The following CARNS1 variants were observed in gnomAD, a reference collection of about 807,000 sequenced individuals.
The protein encoded by CARNS1 is carnosine synthase 1.
A neutral mutation model predicts 74.0 loss-of-function variants in CARNS1; 61 were observed. That is an observed-to-expected ratio of 0.82 (90% CI 0.67 to 1.02). The LOEUF is 1.02. CARNS1 is among the 50% of genes least tolerant of loss of function. The probability of loss-of-function intolerance (pLI) is 0.00; values close to 1 mark genes in which losing one functional copy is unlikely to be tolerated. For missense variants in CARNS1, 1,278 were observed against 1,308.4 expected (o/e 0.98, Z 0.36); for synonymous variants, 568 against 605.5 (o/e 0.94, Z 0.91).
chr11:67,417,232 G>A, intron 2 of CARNS1, 175 bp from the exon 3 acceptor site: 2 of 1,234,792 alleles, frequency 1.6e-6, no homozygotes, highest in Non-Finnish European at 1.0e-6. Flanking sequence ...TCCCACGGTT[G>A]CGTTCCCATT....
In CARNS1 at chr11:67,421,004, G is replaced by T. The variant is rs1863681713; in HGVS notation, c.1411G>T (p.Gly471Cys). ...CCCAGTGGCCCTGGAGCTGAACGGC[G>T]GCCTGTGTCTGGAGGCGTGCGGCGC... Reference protein sequence around the residue: ...LTPVALELNGGLCLEACGALE... With the variant: ...LTPVALELNGCLCLEACGALE... Residue 471 changes from glycine to cysteine, a missense_variant, in exon 9 of 10, where the codon GGC becomes TGC. By Grantham distance (159) the Gly-to-Cys change is radical. Around this residue, in one of 3 missense-constraint regions of CARNS1, gnomAD observed 1,164 missense variants for 1,156.5 expected, o/e 1.01. Coordinates refer to ENST00000687366, the MANE Select transcript of CARNS1 (RefSeq NM_001166222.2). The T allele has an allele frequency of 7.8e-6, 11 of 1,417,638 alleles. No homozygotes were observed. The highest frequency in any genetic ancestry group is 1.0e-5 in the Non-Finnish European group (11 of 1,089,338). The allele number at this position is 1,417,638 out of a possible 1,614,324, so 87.8% of individuals were successfully genotyped here.
chr11:67,416,715 T>A, intron 2 of CARNS1: 1 of 986,350 alleles, frequency 1.0e-6, no homozygotes, highest in Non-Finnish European at 1.2e-6. Flanking sequence ...GAACAAGAAT[T>A]CCATTCACAC....
rs551982188 is a variant in CARNS1, at chr11:67,419,337, C to T, written c.852+94C>T. On this transcript the variant is annotated intron_variant, in intron 5 of 9. Coordinates refer to ENST00000687366, the MANE Select transcript of CARNS1 (RefSeq NM_001166222.2). ...AAGTCTGGCTGGAAAGGTGTCCCTACCTCTTAGCCCTGCCGCTGCCCTGCC... is the reference window on the plus strand; with the variant it reads ...AAGTCTGGCTGGAAAGGTGTCCCTATCTCTTAGCCCTGCCGCTGCCCTGCC... 6.8e-5 allele frequency: 100 copies of T among 1,467,736 alleles called. 1 individual carries two copies. The South Asian group carries it at 1.2e-3, about 17-fold the overall frequency. The allele number at this position is 1,467,736 out of a possible 1,614,324, so 90.9% of individuals were successfully genotyped here. A position where few individuals can be genotyped will look rare whatever the true frequency, so the allele number is the denominator to read the frequency against.
In CARNS1 at chr11:67,421,159, C is replaced by T. The variant is rs1449374187; in HGVS notation, c.1566C>T (p.Val522=). 17 of 1,492,480 alleles carry T rather than the reference C, an allele frequency of 1.1e-5. No individual in the cohort carries two copies. The highest frequency in any genetic ancestry group is 2.2e-5 in the Admixed American group (1 of 44,714). 92.5% of individuals were successfully genotyped at this position (1,492,480 alleles called of 1,614,324 possible). The change falls in exon 9 of 10, where the codon GTC becomes GTT. Residue 522 remains valine, a synonymous_variant. Coordinates refer to ENST00000687366, the MANE Select transcript of CARNS1 (RefSeq NM_001166222.2). ...CLMEGKQLLV[V]GAGGVSKKFV... ...TGGAGGGAAAACAGCTGCTGGTGGT[C>T]GGCGCTGGCGGCGTCAGCAAGAAGT...
At position 67,418,488 on chromosome 11, in the gene CARNS1, CTG is replaced by C. The variant is rs1565134731; in HGVS notation, c.335_336del (p.Val112AlafsTer32). 3.3e-6 allele frequency: 5 copies of C among 1,510,524 alleles called. No homozygotes were observed. Among genetic ancestry groups the C allele is most frequent in the Non-Finnish European group, 4.4e-6 (5 of 1,134,296 alleles). 93.6% of individuals were successfully genotyped at this position (1,510,524 alleles called of 1,614,324 possible). A position where few individuals can be genotyped will look rare whatever the true frequency, so the allele number is the denominator to read the frequency against. On this transcript the variant is annotated frameshift_variant, in exon 4 of 10. Transcript: ENST00000687366. LOFTEE classifies it high-confidence loss of function. ...CTGGGCTCCCCCAGCACCTTTCTGC[CTG>C]TGCTGCTGGAGGGTGGGGTCCAGAG...
intron 4 of CARNS1, 50 bp downstream of exon 4, chr11:67,418,570 C>A: frequency 6.7e-7 from 1 of 1,496,322 alleles, no homozygotes; most frequent in South Asian, 1.2e-5. Context: ...AAGGGCAGCC[C>A]TGCCCTGGCC....
chr11:67,419,356 C>T, intron 5 of CARNS1, 113 bp downstream of exon 5: 1 of 1,479,890 alleles, frequency 6.8e-7, no homozygotes, highest in Non-Finnish European at 9.0e-7. Context: ...CCTGCCGCTG[C>T]CCTGCCCCAT....
rs373726393 is a variant in CARNS1, at chr11:67,419,474, C to T, written c.853-13C>T. The stretch of plus-strand genomic sequence containing the variant: ...GTGGTGTCCAGGAGGCCCCTTTCCC[C>T]TCCTTGCTGCAGGTAGCTGTGAAGC... On this transcript the variant is annotated splice_polypyrimidine_tract_variant and intron_variant, in intron 5 of 9. Transcript: ENST00000687366. 1,174 of 1,611,218 alleles carry T rather than the reference C, an allele frequency of 7.3e-4. 3 individuals carry two copies. Among genetic ancestry groups the T allele is most frequent in the Non-Finnish European group, 8.0e-4 (947 of 1,179,336 alleles).
Position 67,423,541 on chromosome 11 carries a change from A to G in CARNS1, c.1793A>G (p.Asp598Gly). The G allele has an allele frequency of 1.9e-6, 3 of 1,613,024 alleles. No homozygotes were observed. Among genetic ancestry groups the G allele is most frequent in the Non-Finnish European group, 2.5e-6 (3 of 1,179,480 alleles). Reference sequence around the variant, plus strand: ...CTAGATGGCTGCTTCTCCTACTGGGATGACTGCCTGGTGCTCACAGCCCTG... The same window carrying G: ...CTAGATGGCTGCTTCTCCTACTGGGGTGACTGCCTGGTGCTCACAGCCCTG... ...LKLDGCFSYW[D>G]DCLVLTALLC... Residue 598 changes from aspartate (D) to glycine (G), a missense_variant, in exon 10 of 10, where the codon GAT becomes GGT. Around this residue, in one of 3 missense-constraint regions of CARNS1, gnomAD observed 1,164 missense variants for 1,156.5 expected, o/e 1.01. Coordinates refer to ENST00000687366, the MANE Select transcript of CARNS1 (RefSeq NM_001166222.2). This position sits in a 1 kb window ranked among gnomAD's most constrained non-coding sequence, Gnocchi z 5.1.
chr11:67,416,303 G>A (rs568174241), intron 2 of CARNS1, 101 bp downstream of exon 2: 2 of 1,529,668 alleles, frequency 1.3e-6, no homozygotes, highest in Non-Finnish European at 1.8e-6. Context: ...CCTGGGAGTT[G>A]CCCCCTGCAG....
In CARNS1 at chr11:67,423,798, G is replaced by T. The variant is rs1173087877; in HGVS notation, c.2050G>T (p.Gly684Cys). ...GCTGGAGTTCGGGGCAGGTGCAGTGGGTGTCCGGCTGGTAGAGGATGCGCC... is the reference window on the plus strand; with the variant it reads ...GCTGGAGTTCGGGGCAGGTGCAGTGTGTGTCCGGCTGGTAGAGGATGCGCC... ...MKLEFGAGAV[G>C]VRLVEDAPQC... The change falls in exon 10 of 10, where the codon GGT becomes TGT. Residue 684 changes from glycine (G) to cysteine (C), a missense_variant. Gly to Cys is a radical substitution (Grantham distance 159). This residue lies in a region of CARNS1 where 1,164 missense variants were observed against 1,156.5 expected (regional missense o/e 1.01). Transcript: ENST00000687366. The surrounding 1 kb of genome is among the most constrained non-coding windows in gnomAD (Gnocchi z 5.1). 1.2e-6 allele frequency: 2 copies of T among 1,604,314 alleles called. No homozygotes were observed.
In CARNS1 at chr11:67,419,584, C is replaced by A. The variant is rs371047026; in HGVS notation, c.950C>A (p.Ala317Glu). Reference protein sequence around the residue: ...ELGAVVDTVLALLEKLEEEES... With the variant: ...ELGAVVDTVLELLEKLEEEES... ...GGTGCAGTGGTGGACACAGTGCTGG[C>A]GCTGCTGGAGAAGCTGGAGGAGGAG... The change falls in exon 6 of 10, where the codon GCG becomes GAG. Residue 317 changes from alanine (A) to glutamate (E), a missense_variant. By Grantham distance (107) the Ala-to-Glu change is moderately radical. Transcript: ENST00000687366. The A allele has an allele frequency of 6.2e-7, 1 of 1,606,006 alleles. No individual in the cohort carries two copies. Among genetic ancestry groups the A allele is most frequent in the Non-Finnish European group, 8.5e-7 (1 of 1,177,912 alleles).
Position 67,423,332 on chromosome 11 carries a change from G to A in CARNS1, c.1627-43G>A. The A allele has an allele frequency of 6.4e-7, 1 of 1,569,264 alleles. No individual in the cohort carries two copies. Among genetic ancestry groups the A allele is most frequent in the South Asian group, 1.2e-5 (1 of 82,722 alleles). ...CCCCATCCTATCCCCCTAGCACCCA[G>A]TACTAGCTGACCTGGATATGCCCCA... is the stretch of plus-strand genomic sequence containing the variant. On this transcript the variant is annotated intron_variant, in intron 9 of 9. Coordinates refer to ENST00000687366, the MANE Select transcript of CARNS1 (RefSeq NM_001166222.2). This position sits in a 1 kb window ranked among gnomAD's most constrained non-coding sequence, Gnocchi z 5.1.
At position 67,423,474 on chromosome 11, in the gene CARNS1, G is replaced by T; in HGVS notation, c.1726G>T (p.Ala576Ser). The change falls in exon 10 of 10, where the codon GCA becomes TCA. Residue 576 changes from alanine to serine, a missense_variant. Around this residue, in one of 3 missense-constraint regions of CARNS1, gnomAD observed 1,164 missense variants for 1,156.5 expected, o/e 1.01. Coordinates refer to ENST00000687366, the MANE Select transcript of CARNS1 (RefSeq NM_001166222.2). The surrounding 1 kb of genome is among the most constrained non-coding windows in gnomAD (Gnocchi z 5.1). ...MTEHRRDEENARLLAELVRAR... is the reference protein window; with the variant it reads ...MTEHRRDEENSRLLAELVRAR... Reference sequence around the variant, plus strand: ...AGAGCACCGGAGGGATGAGGAGAACGCACGGCTGCTGGCAGAGTTGGTGCG... The same window carrying T: ...AGAGCACCGGAGGGATGAGGAGAACTCACGGCTGCTGGCAGAGTTGGTGCG... 2.5e-6 allele frequency: 4 copies of T among 1,614,056 alleles called. No homozygotes were observed. Among genetic ancestry groups the T allele is most frequent in the Non-Finnish European group, 3.4e-6 (4 of 1,179,890 alleles).
At position 67,420,613 on chromosome 11, in the gene CARNS1, T is replaced by C. The variant is rs1367937750; in HGVS notation, c.1118T>C (p.Val373Ala). 1 of 1,238,962 alleles carries C rather than the reference T, an allele frequency of 8.1e-7. No homozygotes were observed. Among genetic ancestry groups the C allele is most frequent in the Admixed American group, 4.2e-5 (1 of 23,762 alleles). The allele number at this position is 1,238,962 out of a possible 1,614,324, so 76.7% of individuals were successfully genotyped here. The change falls in exon 8 of 10, where the codon GTG becomes GCG. Residue 373 changes from valine to alanine, a missense_variant. Physicochemically the swap from Val to Ala is moderately conservative, Grantham distance 64. This residue lies in a region of CARNS1 where 1,164 missense variants were observed against 1,156.5 expected (regional missense o/e 1.01). Coordinates refer to ENST00000687366, the MANE Select transcript of CARNS1 (RefSeq NM_001166222.2). ...QGDRPLLSKV[V>A]CGVGRGDRPL... ...CCTGAGTCTCCCCCTGCCCAGGTGG[T>C]GTGCGGCGTGGGCCGCGGGGACCGC...
At position 67,419,824 on chromosome 11, in the gene CARNS1, C is replaced by A. The variant is rs1253023089; in HGVS notation, c.1099C>A (p.Pro367Thr). The A allele has an allele frequency of 1.9e-6, 3 of 1,588,972 alleles. No individual in the cohort carries two copies. The highest frequency in any genetic ancestry group is 1.7e-6 in the Non-Finnish European group (2 of 1,168,432). Residue 367 changes from proline (P) to threonine (T), a missense_variant, in exon 7 of 10, where the codon CCA becomes ACA. Pro to Thr is a conservative substitution (Grantham distance 38, BLOSUM62 -1). Transcript: ENST00000687366. ...AVVCRTQGDRPLLSKVVCGVG... is the reference protein window; with the variant it reads ...AVVCRTQGDRTLLSKVVCGVG... ...GGTGTGTCGGACACAGGGTGATAGG[C>A]CACTGCTGAGCAAGGTGAGCGTGGC... is the stretch of plus-strand genomic sequence containing the variant.
At chr11:67,420,339 G>C (rs1863663832) in intron 7 of CARNS1, among the ~76,000 whole-genome samples, 1 of 152,144 alleles carries the variant, frequency 6.6e-6, no homozygotes, top group Non-Finnish European at 1.5e-5. Flanking sequence ...GGGCACACCA[G>C]GGTGGCCCAG....
At chr11:67,416,531 C>T (rs890587819) in intron 2 of CARNS1, 1 of 1,175,184 alleles carries the variant, frequency 8.5e-7, no homozygotes, top group East Asian at 5.3e-5. Flanking sequence ...ACACCATCTC[C>T]CAACAACCAA....
At chr11:67,419,272 T>G in intron 5 of CARNS1, 29 bp downstream of exon 5, 1 of 1,468,324 alleles carries the variant, frequency 6.8e-7, no homozygotes, top group Non-Finnish European at 9.0e-7. Context: ...CCCTGAGGTC[T>G]GTACAGATGC....
Sources: allele counts gnomAD v4.1 joint callset (sites outside exome capture counted in the v4.1 genomes callset), GRCh38; gene constraint gnomAD v4.1.1; regional missense constraint gnomAD v4.1.1; non-coding constraint Gnocchi (gnomAD v3.1); transcripts MANE v1.5; gene names NCBI Gene and HGNC (gene_info 2026-07-23, HGNC 2026-07-21).